INSIG2: variants seen among roughly 807,000 people sequenced by gnomAD.
INSIG2 encodes insulin-induced gene 2 protein.
Under a neutral mutation model 27.2 loss-of-function variants are expected in INSIG2, and 10 were observed. The observed-to-expected ratio is 0.37, with a 90% confidence interval of 0.23 to 0.62. The LOEUF is 0.62. Among genes scored for constraint, INSIG2 ranks in the 20% least tolerant of loss-of-function variants. The pLI is 0.65. For synonymous variants in INSIG2, 97 were observed against 95.8 expected (o/e 1.01, Z -0.07); for missense variants, 178 against 270.2 (o/e 0.66, Z 2.39).
chr2:118,097,630 T>C (rs939087959), intron 2 of INSIG2, among the ~76,000 whole-genome samples: 3 of 152,210 alleles, frequency 2.0e-5, no homozygotes, highest in Non-Finnish European at 2.9e-5. Context: ...GATAGCACTT[T>C]AGTGTTTTCT....
At chr2:118,105,352 A>G (rs371833056) in intron 3 of INSIG2, among the ~76,000 whole-genome samples, 60 of 152,294 alleles carry the variant, frequency 3.9e-4, no homozygotes, top group African/African-American at 1.4e-3. Context: ...ATATGGCACT[A>G]TTTTAAGATT....
chr2:118,095,848 T>G (rs974738942), intron 1 of INSIG2, among the ~76,000 whole-genome samples: 1 of 152,158 alleles, frequency 6.6e-6, no homozygotes, highest in Non-Finnish European at 1.5e-5. Flanking sequence ...TGTAGGTGTG[T>G]GCGTGGTGGT....
chr2:118,096,916 A>G (rs1678422023), intron 2 of INSIG2, 116 bp downstream of exon 2: 1 of 1,175,864 alleles, frequency 8.5e-7, no homozygotes, highest in African/African-American at 1.6e-5. Context: ...GATATAATTT[A>G]GGTATAATAC....
chr2:118,106,902 CAGTA>C lies in INSIG2; in HGVS notation c.536+4_536+7del. ...ACTGCTAGTATATAATGGTGTTTAC[CAGTA>C]AGTATTAATCCTTCAATTTTTGGTG... is the stretch of plus-strand genomic sequence containing the variant. On this transcript the variant is annotated splice_donor_variant and splice_donor_region_variant and coding_sequence_variant and intron_variant, in exon 4 of 6. Coordinates refer to ENST00000245787, the MANE Select transcript of INSIG2 (RefSeq NM_016133.4). LOFTEE classifies it high-confidence loss of function. 6.2e-7 allele frequency: 1 copy of C among 1,613,826 alleles called. No individual in the cohort carries two copies. The highest frequency in any genetic ancestry group is 8.5e-7 in the Non-Finnish European group (1 of 1,179,804).
At position 118,096,814 on chromosome 2, in the gene INSIG2, G is replaced by T; in HGVS notation, c.244+14G>T. 1 of 1,609,328 alleles carries T rather than the reference G, an allele frequency of 6.2e-7. No homozygotes were observed. Among genetic ancestry groups the T allele is most frequent in the South Asian group, 1.1e-5 (1 of 90,966 alleles). ...GCACGGCTTCAGGTATGTGTAGGAT[G>T]TTTCTGTAATGCTTAGAAAGGAAAT... On this transcript the variant is annotated intron_variant, in intron 2 of 5. Transcript: ENST00000245787.
In INSIG2 at chr2:118,108,471, T is replaced by C; in HGVS notation, c.*149T>C. On this transcript the variant is annotated 3_prime_UTR_variant, in exon 6 of 6. Coordinates refer to ENST00000245787, the MANE Select transcript of INSIG2 (RefSeq NM_016133.4). ...GTGTATATATGGATAAATATATATA[T>C]ACACACACACATATTACTGCAATCT... 2 of 544,906 alleles carry C rather than the reference T, an allele frequency of 3.7e-6. No homozygotes were observed. Among genetic ancestry groups the C allele is most frequent in the South Asian group, 2.6e-5 (1 of 39,202 alleles). 33.8% of individuals were successfully genotyped at this position (544,906 alleles called of 1,614,324 possible).
At chr2:118,096,896 T>C in intron 2 of INSIG2, 96 bp downstream of exon 2, 3 of 1,320,452 alleles carry the variant, frequency 2.3e-6, no homozygotes, top group Non-Finnish European at 3.1e-6. Flanking sequence ...AAAGAAAATA[T>C]ATTTATTGAG....
intron 1 of INSIG2, among the ~76,000 whole-genome samples, chr2:118,093,591 T>G (rs28970708): frequency 0.26 from 1,269 of 4,936 alleles, 315 homozygotes; most frequent in South Asian, 0.45. Flanking sequence ...ATGATGATGA[T>G]GAGGAGGAGG....
chr2:118,106,933 T>G (rs373641516), intron 4 of INSIG2, 30 bp downstream of exon 4: 4 of 1,608,086 alleles, frequency 2.5e-6, no homozygotes, highest in African/African-American at 1.3e-5. Flanking sequence ...TTTTTGGTGC[T>G]TGTTTGCTAG....
At chr2:118,092,010 T>G (rs1678243858) in intron 1 of INSIG2, among the ~76,000 whole-genome samples, 1 of 152,322 alleles carries the variant, frequency 6.6e-6, no homozygotes, top group East Asian at 1.9e-4. Flanking sequence ...GCCTAAAATA[T>G]CAGTGCCCTT....
chr2:118,091,713 A>G (rs922510644), intron 1 of INSIG2, among the ~76,000 whole-genome samples: 2 of 152,254 alleles, frequency 1.3e-5, no homozygotes, highest in African/African-American at 4.8e-5. Flanking sequence ...ATTCAAATAA[A>G]TGTCAAGCAA....
intron 2 of INSIG2, among the ~76,000 whole-genome samples, chr2:118,101,028 A>G (rs953711337): frequency 6.6e-6 from 1 of 152,224 alleles, no homozygotes; most frequent in African/African-American, 2.4e-5. Context: ...ATTTATAAGC[A>G]GGATTGTGTT....
intron 2 of INSIG2, among the ~76,000 whole-genome samples, chr2:118,097,153 A>G (rs1678428065): frequency 1.0e-5 from 1 of 95,242 alleles, no homozygotes; most frequent in Non-Finnish European, 2.1e-5. Context: ...CTCATAACGT[A>G]TGTACTCCCT....
chr2:118,103,119 G>A lies in INSIG2; in HGVS notation c.245-78G>A, dbSNP rs1573575679. The A allele has an allele frequency of 2.6e-6, 3 of 1,161,424 alleles. No individual in the cohort carries two copies. In the East Asian group the frequency reaches 7.5e-5, roughly 29 times the overall value. 71.9% of individuals were successfully genotyped at this position (1,161,424 alleles called of 1,614,324 possible). ...AAGAATCTTTAAAATGCTTGTGGTGGTTGTAGTGATTCTTTTAGCTTAAGT... is the reference window on the plus strand; with the variant it reads ...AAGAATCTTTAAAATGCTTGTGGTGATTGTAGTGATTCTTTTAGCTTAAGT... On this transcript the variant is annotated intron_variant, in intron 2 of 5. Coordinates refer to ENST00000245787, the MANE Select transcript of INSIG2 (RefSeq NM_016133.4).
intron 1 of INSIG2, among the ~76,000 whole-genome samples, chr2:118,090,309 G>A (rs1236246931): frequency 6.6e-6 from 1 of 152,118 alleles, no homozygotes; most frequent in African/African-American, 2.4e-5. Context: ...TGGTTTTAGG[G>A]GGTGTTGCAG....
At chr2:118,092,287 A>C (rs1474925210) in intron 1 of INSIG2, among the ~76,000 whole-genome samples, 4 of 152,134 alleles carry the variant, frequency 2.6e-5, no homozygotes, top group Non-Finnish European at 4.4e-5. Flanking sequence ...GAGTCAACTA[A>C]TGTTCTTATA....
intron 1 of INSIG2, among the ~76,000 whole-genome samples, chr2:118,090,880 A>C (rs896561579): frequency 6.6e-6 from 1 of 152,118 alleles, no homozygotes; most frequent in Non-Finnish European, 1.5e-5. Flanking sequence ...AAGTTACTTA[A>C]CCTATTTTAT....
intron 2 of INSIG2, among the ~76,000 whole-genome samples, chr2:118,100,771 G>A (rs189148158): frequency 2.0e-5 from 3 of 152,244 alleles, no homozygotes; most frequent in East Asian, 1.9e-4. Flanking sequence ...ATAGTTTTGC[G>A]TCGAAGTATA....
In INSIG2 at chr2:118,091,245, C is replaced by T. The variant is rs2104519291; in HGVS notation, c.-139+2704C>T. ...TCTAGTGTGCAACTGATATTATAAA[C>T]ATGCTTTTAAAGGAATTTCATTGTT... is the stretch of plus-strand genomic sequence containing the variant. On this transcript the variant is annotated intron_variant, in intron 1 of 5. Coordinates refer to ENST00000245787, the MANE Select transcript of INSIG2 (RefSeq NM_016133.4). Among the ~76,000 whole-genome samples the T allele has an allele frequency of 3.3e-5, 5 of 152,304 alleles. No individual in the cohort carries two copies. The South Asian group carries it at 1.0e-3, about 32-fold the overall frequency.
Sources: gnomAD v4.1 joint callset for allele counts (sites outside exome capture counted in the v4.1 genomes callset) on GRCh38, gnomAD v4.1.1 for gene constraint, MANE v1.5 for transcripts, NCBI Gene and HGNC (gene_info 2026-07-23, HGNC 2026-07-21) for gene names.